Variants in ITPRID1 observed in about 807,000 individuals in gnomAD.
ITPRID1 encodes ITPR interacting domain containing 1.
In ITPRID1, 96 loss-of-function variants were observed where a neutral mutation model predicts 95.4. The observed-to-expected ratio is 1.01, with a 90% CI of 0.85 to 1.19. The LOEUF (loss-of-function observed/expected upper bound fraction) is 1.19, where lower values mean the gene tolerates loss of function less well. Ranked by LOEUF, ITPRID1 falls within the 50% of genes most tolerant of loss-of-function variation. The probability of loss-of-function intolerance (pLI) is 0.00; values close to 1 mark genes in which losing one functional copy is unlikely to be tolerated. For missense variants in ITPRID1, 1,339 were observed against 1,252.9 expected, an observed-to-expected ratio of 1.07 and a Z score of -1.04; for synonymous variants, 510 against 453.6, an observed-to-expected ratio of 1.12 and a Z score of -1.58.
chr7:31,578,524 C>T lies in ITPRID1; in HGVS notation c.1170+90C>T, dbSNP rs1785281373. 4 of 880,632 alleles carry T rather than the reference C, an allele frequency of 4.5e-6. No homozygotes were observed. In the East Asian group the frequency reaches 7.8e-5, roughly 17 times the overall value. 54.6% of individuals were successfully genotyped at this position (880,632 alleles called of 1,614,324 possible). The stretch of plus-strand genomic sequence containing the variant: ...TCCAGCCCTCATTTCACCACTTCAT[C>T]TTTTAATCCCTCAGCATTACTTCTT... On this transcript the variant is annotated intron_variant, in intron 9 of 14. Coordinates refer to ENST00000615280, the MANE Select transcript of ITPRID1 (RefSeq NM_001257967.3).
At chr7:31,638,765 T>C (rs1789722128) in intron 10 of ITPRID1, among the ~76,000 whole-genome samples, 2 of 152,138 alleles carry the variant, frequency 1.3e-5, no homozygotes, top group South Asian at 4.1e-4. Flanking sequence ...TAATTTTTCT[T>C]TCTTTTGTTT....
intron 10 of ITPRID1, among the ~76,000 whole-genome samples, chr7:31,608,837 T>G (rs767417349): frequency 2.6e-5 from 4 of 151,690 alleles, no homozygotes; most frequent in Non-Finnish European, 5.9e-5. Context: ...TTTTTTTTCT[T>G]TTTTCTTTTT....
At chr7:31,515,274 C>T (rs951636482) in intron 1 of ITPRID1, among the ~76,000 whole-genome samples, 5 of 139,994 alleles carry the variant, frequency 3.6e-5, no homozygotes, top group Non-Finnish European at 7.8e-5. Flanking sequence ...CTGCTTTCTA[C>T]AGCAGTGGTT....
At chr7:31,567,585 T>C (rs1423197469) in intron 5 of ITPRID1, among the ~76,000 whole-genome samples, 1 of 16,272 alleles carries the variant, frequency 6.1e-5, no homozygotes, top group Non-Finnish European at 1.1e-4. Flanking sequence ...GCCTGACTCT[T>C]TTTTTTTTTT....
In ITPRID1 at chr7:31,642,189, C is replaced by T. The variant is rs1218190317; in HGVS notation, c.1242C>T (p.Asp414=). 4.5e-6 allele frequency: 7 copies of T among 1,560,636 alleles called. No individual in the cohort carries two copies. The highest frequency in any genetic ancestry group is 6.1e-6 in the Non-Finnish European group (7 of 1,153,340). The change falls in exon 11 of 15, where the codon GAC becomes GAT. Residue 414 remains aspartate, a synonymous_variant. Coordinates refer to ENST00000615280, the MANE Select transcript of ITPRID1 (RefSeq NM_001257967.3). ...TTCATTCTGCAGGTGCCAGGGTGGA[C>T]AGAGCAAATAGCTGCCAGTCTGACA... ...MTSGTVGARV[D]RANSCQSDSS...
intron 10 of ITPRID1, among the ~76,000 whole-genome samples, chr7:31,630,686 C>G (rs2128193112): frequency 6.6e-6 from 1 of 151,892 alleles, no homozygotes; most frequent in African/African-American, 2.4e-5. Context: ...AAATATATAG[C>G]TTATGAAAAT....
At chr7:31,608,982 G>T (rs752458146) in intron 10 of ITPRID1, among the ~76,000 whole-genome samples, 6 of 151,606 alleles carry the variant, frequency 4.0e-5, no homozygotes, top group Non-Finnish European at 8.9e-5. Context: ...TCTTTTATAG[G>T]TAGAGGATAT....
intron 1 of ITPRID1, among the ~76,000 whole-genome samples, chr7:31,545,065 A>C (rs2128134129): frequency 6.6e-6 from 1 of 152,242 alleles, no homozygotes; most frequent in South Asian, 2.1e-4. Flanking sequence ...CTTGCATGTG[A>C]AGAGGCTACA....
chr7:31,596,247 G>A (rs1007974459), intron 10 of ITPRID1, among the ~76,000 whole-genome samples: 1 of 151,264 alleles, frequency 6.6e-6, no homozygotes, highest in Admixed American at 6.6e-5. Context: ...TCTGAGAAAA[G>A]CAATGAGAAA....
At chr7:31,516,739 A>G (rs557543148) in intron 1 of ITPRID1, among the ~76,000 whole-genome samples, 1 of 152,148 alleles carries the variant, frequency 6.6e-6, no homozygotes, top group Admixed American at 6.5e-5. Context: ...GAACCTCCAA[A>G]GTAGTGACTT....
intron 1 of ITPRID1, among the ~76,000 whole-genome samples, chr7:31,522,447 C>T (rs1191166117): frequency 6.6e-6 from 1 of 152,198 alleles, no homozygotes; most frequent in Admixed American, 6.5e-5. Flanking sequence ...ATAATAGATG[C>T]TCGTCTCATG....
chr7:31,567,580 ACT>A (rs1183394441), intron 5 of ITPRID1, among the ~76,000 whole-genome samples: 1 of 120,852 alleles, frequency 8.3e-6, no homozygotes, highest in Non-Finnish European at 1.6e-5. Context: ...ACCCCGCCTG[ACT>A]CTTTTTTTTT....
chr7:31,643,914 G>A lies in ITPRID1; in HGVS notation c.2544G>A (p.Leu848=). 6.2e-7 allele frequency: 1 copy of A among 1,613,686 alleles called. No homozygotes were observed. Among genetic ancestry groups the A allele is most frequent in the Non-Finnish European group, 8.5e-7 (1 of 1,179,858 alleles). ...AGGAAGCCCAGTTCATGACGACTTTGAAAGCCCTTCAGGACACTACAGTGA... is the reference window on the plus strand; with the variant it reads ...AGGAAGCCCAGTTCATGACGACTTTAAAAGCCCTTCAGGACACTACAGTGA... ...GHQEAQFMTT[L]KALQDTTVRE... is the part of the protein sequence containing the mutation. The change falls in exon 12 of 15, where the codon TTG becomes TTA. Residue 848 remains leucine, a synonymous_variant. Transcript: ENST00000615280.
At chr7:31,612,347 T>TATTG (rs1422473580) in intron 10 of ITPRID1, among the ~76,000 whole-genome samples, 1 of 152,122 alleles carries the variant, frequency 6.6e-6, no homozygotes, top group Non-Finnish European at 1.5e-5. Flanking sequence ...GGACAGTTTT[T>TATTG]ATTGATTGGC....
At chr7:31,574,168 A>AT (rs34822604) in intron 7 of ITPRID1, among the ~76,000 whole-genome samples, 71,090 of 145,778 alleles carry the variant, frequency 0.49, 17,952 homozygotes, top group African/African-American at 0.63. Context: ...GTTTTGTGGG[A>AT]TTTTTTTTTT....
chr7:31,604,866 T>C (rs1253674053), intron 10 of ITPRID1, among the ~76,000 whole-genome samples: 1 of 152,164 alleles, frequency 6.6e-6, no homozygotes, highest in Non-Finnish European at 1.5e-5. Flanking sequence ...CCAGGCAGGG[T>C]GCCTCATGCC....
intron 1 of ITPRID1, chr7:31,517,291 G>T (rs1783075471): frequency 6.6e-6 from 1 of 152,158 alleles, no homozygotes; most frequent in African/African-American, 2.4e-5. Context: ...AGAGCTGATT[G>T]GTCTGTTTTG....
At chr7:31,593,180 T>C (rs1962805) in intron 10 of ITPRID1, among the ~76,000 whole-genome samples, 148,328 of 152,106 alleles carry the variant, frequency 0.98, 72,338 homozygotes, top group East Asian at 0.99. Flanking sequence ...TGGTGCATGC[T>C]TGTAATCCCA....
At chr7:31,557,969 T>A (rs990486999) in intron 5 of ITPRID1, among the ~76,000 whole-genome samples, 9 of 152,198 alleles carry the variant, frequency 5.9e-5, no homozygotes, top group Non-Finnish European at 1.0e-4. Flanking sequence ...AGTGACAGCA[T>A]TGAAAAGTGG....
Sources: allele counts gnomAD v4.1 joint callset (sites outside exome capture counted in the v4.1 genomes callset), GRCh38; gene constraint gnomAD v4.1.1; transcripts MANE v1.5; gene names NCBI Gene and HGNC (gene_info 2026-07-23, HGNC 2026-07-21).